Variants in COPE observed in about 807,000 individuals in gnomAD.
COPE encodes the protein coat protein complex I subunit epsilon, also known as coatomer subunit epsilon.
Under a neutral mutation model 42.1 loss-of-function variants are expected in COPE, and 19 were observed. The observed-to-expected ratio is 0.45, with a 90% CI of 0.31 to 0.66. The LOEUF is 0.66. COPE is among the 30% of genes least tolerant of loss of function. The probability of loss-of-function intolerance (pLI) is 0.05; values close to 1 mark genes in which losing one functional copy is unlikely to be tolerated. For synonymous variants in COPE, 195 were observed against 181.3 expected, an observed-to-expected ratio of 1.08 and a Z score of -0.60; for missense variants, 402 against 416.1, an observed-to-expected ratio of 0.97 and a Z score of 0.30.
intron 2 of COPE, among the ~76,000 whole-genome samples, chr19:18,911,719 T>A (rs2056812457): frequency 6.6e-6 from 1 of 151,314 alleles, no homozygotes; most frequent in Non-Finnish European, 1.5e-5. Flanking sequence ...GCCCGGCTAA[T>A]TTTTTTGTAT....
chr19:18,900,111 G>A (rs1401123104), intron 8 of COPE, 164 bp from the exon 9 acceptor site: 1 of 632,584 alleles, frequency 1.6e-6, no homozygotes, highest in Non-Finnish European at 2.7e-6. Context: ...GGTGGGGGTG[G>A]AGGGATGGGC....
intron 5 of COPE, 135 bp downstream of exon 5, chr19:18,905,441 C>T: frequency 1.1e-6 from 1 of 903,484 alleles, no homozygotes; most frequent in South Asian, 1.9e-5. Context: ...GGCTGAACGA[C>T]AGCAAGCCAC....
At chr19:18,911,759 A>G (rs1316178470) in intron 2 of COPE, among the ~76,000 whole-genome samples, 3 of 150,820 alleles carry the variant, frequency 2.0e-5, no homozygotes, top group Admixed American at 6.6e-5. Context: ...TCACTGTGTT[A>G]GCCAGGATGG....
intron 3 of COPE, chr19:18,910,445 C>T (rs940839921): frequency 1.9e-5 from 3 of 155,416 alleles, no homozygotes; most frequent in Admixed American, 6.2e-5. Context: ...ATTAGCTGGA[C>T]GTGGTGGCAC....
chr19:18,907,144 T>G (rs754401855), intron 3 of COPE, 32 bp from the exon 4 acceptor site: 1 of 1,599,820 alleles, frequency 6.3e-7, no homozygotes, highest in Non-Finnish European at 8.5e-7. Flanking sequence ...GACCCACAGC[T>G]GGGGTGGCCT....
Position 18,902,765 on chromosome 19 carries a change from AAGGGAAAGAAGG to A in COPE, c.735+491_735+502del, listed in dbSNP as rs1385838155. ...AAGGAAGGAAAGGAAGGAAGGAAGGAAGGGAAAGAAGGAAGGAAGGAAGGAAGGAAGGAAGGA... is the reference window on the plus strand; with the variant it reads ...AAGGAAGGAAAGGAAGGAAGGAAGGAAAGGAAGGAAGGAAGGAAGGAAGGA... On this transcript the variant is annotated intron_variant, in intron 7 of 9. Coordinates refer to ENST00000262812, the MANE Select transcript of COPE (RefSeq NM_007263.4). Among the ~76,000 whole-genome samples, 11 of 46,432 alleles carry A rather than the reference AAGGGAAAGAAGG, an allele frequency of 2.4e-4. 3 individuals carry two copies. The highest frequency in any genetic ancestry group is 3.6e-4 in the African/African-American group (2 of 5,536). 30.5% of individuals were successfully genotyped at this position (46,432 alleles called of 152,430 possible).
intron 6 of COPE, among the ~76,000 whole-genome samples, chr19:18,904,400 GAA>G (rs1427700910): frequency 6.6e-6 from 1 of 152,232 alleles, no homozygotes; most frequent in Non-Finnish European, 1.5e-5. Context: ...GCTGCTATGG[GAA>G]CACTGAACTC....
intron 1 of COPE, 33 bp from the exon 2 acceptor site, chr19:18,913,079 T>A: frequency 6.3e-7 from 1 of 1,592,774 alleles, no homozygotes. Flanking sequence ...GGACGCACAG[T>A]GGGAGGCCCA....
chr19:18,905,949 C>T (rs1298214586), intron 4 of COPE: 5 of 501,972 alleles, frequency 1.0e-5, no homozygotes, highest in African/African-American at 8.1e-5. Context: ...GAGGCATCAA[C>T]ACTCAGGAAC....
intron 7 of COPE, among the ~76,000 whole-genome samples, chr19:18,901,969 A>T (rs1193920730): frequency 6.6e-6 from 1 of 152,040 alleles, no homozygotes; most frequent in East Asian, 1.9e-4. Flanking sequence ...TCATGAGGTC[A>T]GGAGATTGAG....
At chr19:18,908,664 C>G (rs1464841927) in intron 3 of COPE, among the ~76,000 whole-genome samples, 2 of 151,668 alleles carry the variant, frequency 1.3e-5, no homozygotes, top group South Asian at 4.2e-4. Context: ...CTACAGGCAC[C>G]CGCCACCATG....
intron 9 of COPE, 64 bp from the exon 10 acceptor site, chr19:18,899,790 G>C (rs575998348): frequency 3.1e-6 from 5 of 1,611,146 alleles, no homozygotes; most frequent in East Asian, 2.2e-5. Context: ...TGGAGGGAGA[G>C]AGAGAGGGCG....
At chr19:18,918,187 C>CAAAAAAAAAAA (rs771893763) in intron 1 of COPE, among the ~76,000 whole-genome samples, 3 of 50,176 alleles carry the variant, frequency 6.0e-5, no homozygotes, top group African/African-American at 9.7e-5. Context: ...GTCTCCATCT[C>CAAAAAAAAAAA]AAAAAAAAAA....
chr19:18,918,201 AAAG>A (rs1214624980), intron 1 of COPE, among the ~76,000 whole-genome samples: 1 of 133,096 alleles, frequency 7.5e-6, no homozygotes, highest in Non-Finnish European at 1.6e-5. Flanking sequence ...AAAAAAAAAA[AAAG>A]AAAAGAAAAG....
At chr19:18,904,068 C>T (rs1315601698) in intron 6 of COPE, among the ~76,000 whole-genome samples, 2 of 152,220 alleles carry the variant, frequency 1.3e-5, no homozygotes, top group Admixed American at 6.5e-5. Flanking sequence ...CGGGTTCAAG[C>T]GATTCTCCTG....
chr19:18,914,319 C>T (rs2056835827), intron 1 of COPE, among the ~76,000 whole-genome samples: 1 of 151,740 alleles, frequency 6.6e-6, no homozygotes, highest in African/African-American at 2.4e-5. Context: ...GTGGGTGGAT[C>T]ATTAGAGGTC....
At chr19:18,904,545 C>A (rs2056740222) in intron 6 of COPE, among the ~76,000 whole-genome samples, 1 of 152,272 alleles carries the variant, frequency 6.6e-6, no homozygotes, top group Non-Finnish European at 1.5e-5. Context: ...GCTCAGGAAC[C>A]CGTCCCCGCC....
At chr19:18,907,215 G>T in intron 3 of COPE, 103 bp from the exon 4 acceptor site, 1 of 1,284,752 alleles carries the variant, frequency 7.8e-7, no homozygotes, top group Non-Finnish European at 1.1e-6. Context: ...GGGTGAGCCA[G>T]GCCCTGGGGG....
rs758353974 is a variant in COPE, at chr19:18,907,042, G to A, written c.361C>T (p.Leu121Phe). The A allele has an allele frequency of 1.6e-5, 25 of 1,606,036 alleles. No homozygotes were observed. The highest frequency in any genetic ancestry group is 2.1e-5 in the Non-Finnish European group (25 of 1,176,964). ...TGGAGATAGATGGAGGCGGCCATGAGCAGGAAGGTGGTGTTGGTCACGTCC... is the reference window on the plus strand; with the variant it reads ...TGGAGATAGATGGAGGCGGCCATGAACAGGAAGGTGGTGTTGGTCACGTCC... ...SVDVTNTTFL[L>F]MAASIYLHDQ... Residue 121 changes from leucine to phenylalanine, a missense_variant, in exon 4 of 10, where the codon CTC becomes TTC. Coordinates refer to ENST00000262812, the MANE Select transcript of COPE (RefSeq NM_007263.4).
Sources: allele counts gnomAD v4.1 joint callset (sites outside exome capture counted in the v4.1 genomes callset), GRCh38; gene constraint gnomAD v4.1.1; transcripts MANE v1.5; gene names NCBI Gene and HGNC (gene_info 2026-07-23, HGNC 2026-07-21).